The following GPC5 variants were observed in gnomAD, a reference collection of about 807,000 sequenced individuals.
The protein encoded by GPC5 is glypican 5, also known as glypican-5.
Under a neutral mutation model 53.9 loss-of-function variants are expected in GPC5, and 47 were observed. The observed-to-expected ratio is 0.87, with a 90% CI of 0.69 to 1.11. GPC5 has a LOEUF of 1.11. Among genes scored for constraint, GPC5 ranks in the 50% most tolerant of loss-of-function variants. GPC5 has a pLI of 0.00. For missense variants in GPC5, 748 were observed against 713.1 expected, an observed-to-expected ratio of 1.05 and a Z score of -0.56; for synonymous variants, 286 against 263.3, an observed-to-expected ratio of 1.09 and a Z score of -0.84.
intron 2 of GPC5, among the ~76,000 whole-genome samples, chr13:91,452,061 T>G (rs566276385): frequency 1.3e-5 from 2 of 152,258 alleles, no homozygotes; most frequent in East Asian, 3.9e-4. Context: ...CATGGCTCAC[T>G]GCAGCCTCAA....
At chr13:92,779,084 C>T (rs1331669081) in intron 7 of GPC5, among the ~76,000 whole-genome samples, 1 of 151,922 alleles carries the variant, frequency 6.6e-6, no homozygotes, top group Non-Finnish European at 1.5e-5. Context: ...GGCAAAGAGA[C>T]TTACTGGACT....
At chr13:92,270,535 C>T (rs963140658) in intron 7 of GPC5, among the ~76,000 whole-genome samples, 1 of 152,154 alleles carries the variant, frequency 6.6e-6, no homozygotes, top group African/African-American at 2.4e-5. Context: ...CCTGTGGAAC[C>T]GTGAGCCAGT....
intron 6 of GPC5, among the ~76,000 whole-genome samples, chr13:92,119,079 A>G (rs2041623641): frequency 6.6e-6 from 1 of 152,204 alleles, no homozygotes. Flanking sequence ...TAACTGACTC[A>G]TAGTTCCACT....
intron 2 of GPC5, among the ~76,000 whole-genome samples, chr13:91,601,697 A>G (rs2033187055): frequency 6.6e-6 from 1 of 152,294 alleles, no homozygotes; most frequent in Non-Finnish European, 1.5e-5. Flanking sequence ...ATGATCTGTC[A>G]CTGTCTCCCA....
chr13:92,668,759 T>G, intron 7 of GPC5, among the ~76,000 whole-genome samples: 1 of 152,136 alleles, frequency 6.6e-6, no homozygotes, highest in East Asian at 1.9e-4. Context: ...GTTGTATTTT[T>G]TACATTTTAA....
intron 5 of GPC5, among the ~76,000 whole-genome samples, chr13:91,770,771 C>CA (rs1441600170): frequency 6.8e-6 from 1 of 146,512 alleles, no homozygotes; most frequent in African/African-American, 2.5e-5. Context: ...TTCACACAAG[C>CA]AAAGATTTAT....
intron 6 of GPC5, among the ~76,000 whole-genome samples, chr13:92,057,452 C>G (rs1416355974): frequency 6.6e-6 from 1 of 152,156 alleles, no homozygotes; most frequent in Non-Finnish European, 1.5e-5. Flanking sequence ...TTTAAAACCC[C>G]TAAGTTCAGG....
At chr13:91,906,119 C>T (rs1186438070) in intron 5 of GPC5, among the ~76,000 whole-genome samples, 11 of 152,010 alleles carry the variant, frequency 7.2e-5, no homozygotes, top group Admixed American at 2.6e-4. Flanking sequence ...GTAGAATCTT[C>T]GGGGTGTGAC....
chr13:91,750,309 A>G (rs1358255392), intron 4 of GPC5, among the ~76,000 whole-genome samples: 2 of 152,122 alleles, frequency 1.3e-5, no homozygotes, highest in Non-Finnish European at 2.9e-5. Context: ...ACTCTTAATA[A>G]TTATATTTCA....
At chr13:92,204,382 G>A (rs1593992666) in intron 7 of GPC5, among the ~76,000 whole-genome samples, 1 of 152,164 alleles carries the variant, frequency 6.6e-6, no homozygotes, top group Non-Finnish European at 1.5e-5. Context: ...CAATGTCTGG[G>A]AAGTGGTAAC....
intron 7 of GPC5, among the ~76,000 whole-genome samples, chr13:92,282,899 C>T (rs892854485): frequency 1.3e-5 from 2 of 152,156 alleles, no homozygotes; most frequent in South Asian, 2.1e-4. Flanking sequence ...ACAATATTAA[C>T]CTCAAATGTA....
rs563594950 is a variant in GPC5 at position 92,699,059 on chromosome 13, C to CT, written c.1562-167214dup. 2.7e-3 allele frequency among the ~76,000 whole-genome samples: 412 copies of CT among 151,216 alleles called. 1 individual carries two copies. Among genetic ancestry groups the CT allele is most frequent in the African/African-American group, 9.5e-3 (394 of 41,274 alleles). ...GGCTGTGAATCCGTCTGGTCCTAGA[C>CT]TTTTTTTTTGGTTGGTAGGCTATTA... On this transcript the variant is annotated intron_variant, in intron 7 of 7. Transcript: ENST00000377067.
chr13:91,496,576 A>T (rs1159790888), intron 2 of GPC5, among the ~76,000 whole-genome samples: 1 of 152,180 alleles, frequency 6.6e-6, no homozygotes, highest in African/African-American at 2.4e-5. Flanking sequence ...CAAAAAATTA[A>T]AACAATTGAA....
At chr13:92,682,035 G>A (rs1469788984) in intron 7 of GPC5, among the ~76,000 whole-genome samples, 3 of 152,172 alleles carry the variant, frequency 2.0e-5, no homozygotes, top group Non-Finnish European at 4.4e-5. Flanking sequence ...GTAGCCATTT[G>A]TATCCCCAGT....
chr13:92,036,866 A>C (rs2040897358), intron 6 of GPC5, among the ~76,000 whole-genome samples: 1 of 152,144 alleles, frequency 6.6e-6, no homozygotes, highest in Admixed American at 6.5e-5. Context: ...ACCACCATCC[A>C]GTATTTCTCT....
intron 6 of GPC5, among the ~76,000 whole-genome samples, chr13:92,139,790 G>T (rs1032450846): frequency 2.0e-5 from 3 of 151,930 alleles, no homozygotes; most frequent in South Asian, 2.1e-4. Context: ...AGAACATCAG[G>T]GTCTTTGATG....
chr13:91,977,955 A>AAAAAG lies in GPC5; in HGVS notation c.1401+69901_1401+69902insAGAAA, dbSNP rs766999923. Among the ~76,000 whole-genome samples the AAAAAG allele has an allele frequency of 4.2e-5, 6 of 142,902 alleles. 1 individual carries two copies. The East Asian group carries it at 5.8e-4, about 14-fold the overall frequency. 93.7% of individuals were successfully genotyped at this position (142,902 alleles called of 152,430 possible). A position where few individuals can be genotyped will look rare whatever the true frequency, so the allele number is the denominator to read the frequency against. On this transcript the variant is annotated intron_variant, in intron 6 of 7. Coordinates refer to ENST00000377067, the MANE Select transcript of GPC5 (RefSeq NM_004466.6). ...AACGAGACCGCCATCTCTAAAAGAA[A>AAAAAG]AAAGAAAGAAAGAAAGAAAGAAAGA...
chr13:91,953,018 G>A (rs1017579379), intron 6 of GPC5, among the ~76,000 whole-genome samples: 3 of 152,098 alleles, frequency 2.0e-5, no homozygotes, highest in African/African-American at 4.8e-5. Context: ...TGGTGTCCTG[G>A]AGAGGACAAT....
At chr13:91,558,889 C>T (rs1311757181) in intron 2 of GPC5, among the ~76,000 whole-genome samples, 1 of 152,008 alleles carries the variant, frequency 6.6e-6, no homozygotes, top group Non-Finnish European at 1.5e-5. Flanking sequence ...TTTGCCTTAG[C>T]CCTATATATT....
Sources: allele counts gnomAD v4.1 joint callset (sites outside exome capture counted in the v4.1 genomes callset), GRCh38; gene constraint gnomAD v4.1.1; transcripts MANE v1.5; gene names NCBI Gene and HGNC (gene_info 2026-07-23, HGNC 2026-07-21).